The following MED23 variants were observed in gnomAD, a reference collection of about 807,000 sequenced individuals.
MED23 encodes mediator of RNA polymerase II transcription subunit 23.
A neutral mutation model predicts 163.9 loss-of-function variants in MED23; 105 were observed. The ratio of observed to expected loss-of-function variants is 0.64; its 90% CI spans 0.55 to 0.75. MED23 has a LOEUF of 0.75. Ranked by LOEUF, MED23 falls within the 30% of genes least tolerant of loss-of-function variation. The probability of loss-of-function intolerance (pLI) is 0.00; values close to 1 mark genes in which losing one functional copy is unlikely to be tolerated. For synonymous variants in MED23, 561 were observed against 565.6 expected (o/e 0.99, Z 0.12); for missense variants, 1,054 against 1,649.0 (o/e 0.64, Z 6.25).
At chr6:131,604,394 G>A in intron 14 of MED23, 74 bp from the exon 15 acceptor site, 1 of 1,444,164 alleles carries the variant, frequency 6.9e-7, no homozygotes, top group Non-Finnish European at 9.6e-7. Flanking sequence ...CTACTTAGAA[G>A]TAACTTAGTA....
chr6:131,582,938 G>A (rs1397138222), downstream of MED23: 2 of 803,998 alleles, frequency 2.5e-6, no homozygotes, highest in African/African-American at 3.5e-5. Flanking sequence ...AAACTATATT[G>A]AGTTAGGTTC....
chr6:131,582,406 CA>C (rs894758897), downstream of MED23, among the ~76,000 whole-genome samples: 1 of 152,142 alleles, frequency 6.6e-6, no homozygotes, highest in Non-Finnish European at 1.5e-5. Context: ...GACTGGGGCA[CA>C]AAGTAGGTAA....
rs777277114 is a variant in MED23 at position 131,623,308 on chromosome 6, T to C, written c.396+43A>G. 6 of 1,478,388 alleles carry C rather than the reference T, an allele frequency of 4.1e-6. No homozygotes were observed. In the South Asian group the frequency reaches 6.8e-5, roughly 17 times the overall value. 91.6% of individuals were successfully genotyped at this position (1,478,388 alleles called of 1,614,324 possible). ...TAAGACATGCACACCGAAAAATCAA[T>C]CATATCTGAAAGCAATCACTTTTTA... On this transcript the variant is annotated intron_variant, in intron 5 of 28. Transcript: ENST00000368068.
At chr6:131,594,765 T>C (rs1456910266) in intron 22 of MED23, among the ~76,000 whole-genome samples, 1 of 151,928 alleles carries the variant, frequency 6.6e-6, no homozygotes, top group Non-Finnish European at 1.5e-5. Flanking sequence ...CCCTAATACA[T>C]GATAAAGTTG....
chr6:131,596,788 AT>A (rs1775080001), intron 20 of MED23, 100 bp from the exon 21 acceptor site: 1 of 1,155,570 alleles, frequency 8.7e-7, no homozygotes, highest in African/African-American at 1.5e-5. Flanking sequence ...AAATCTCACT[AT>A]TATAATTTCC....
At chr6:131,578,147 G>A (rs976115722) in intron 30 of MED23, among the ~76,000 whole-genome samples, 1 of 148,736 alleles carries the variant, frequency 6.7e-6, no homozygotes, top group Non-Finnish European at 1.5e-5. Context: ...GTTAAAATTA[G>A]TGAGTTTTAG....
At chr6:131,575,119 CAAAT>C (rs1773551977) in intron 30 of MED23, among the ~76,000 whole-genome samples, 1 of 151,958 alleles carries the variant, frequency 6.6e-6, no homozygotes, top group African/African-American at 2.4e-5. Flanking sequence ...TTGAATAAAA[CAAAT>C]AAAAAAGAAT....
chr6:131,614,042 A>G (rs1226237633), intron 10 of MED23, among the ~76,000 whole-genome samples: 1 of 152,212 alleles, frequency 6.6e-6, no homozygotes, highest in East Asian at 1.9e-4. Context: ...AGCATGAAGC[A>G]TTCTTTCAAA....
rs1053673061 is a variant in MED23 at position 131,581,502 on chromosome 6, C to T, written c.4095+6207G>A. ...GTGTAATCTCAAATCATTTTCTCTG[C>T]AGCCAATAAGCAAAGGGTTGGTTGA... On this transcript the variant is annotated intron_variant, in intron 30 of 30. Coordinates refer to the MED23 transcript ENST00000354577. 1.8e-5 allele frequency: 21 copies of T among 1,184,834 alleles called. No individual in the cohort carries two copies. In the African/African-American group the frequency reaches 2.9e-4, roughly 16 times the overall value. 73.4% of individuals were successfully genotyped at this position (1,184,834 alleles called of 1,614,324 possible). A position where few individuals can be genotyped will look rare whatever the true frequency, so the allele number is the denominator to read the frequency against.
chr6:131,627,134 CAATT>C (rs1184436478), intron 3 of MED23: 7 of 406,548 alleles, frequency 1.7e-5, no homozygotes, highest in Non-Finnish European at 3.0e-5. Context: ...AAAATGATCT[CAATT>C]AATCTAACAT....
intron 23 of MED23, among the ~76,000 whole-genome samples, chr6:131,593,422 G>T (rs1199527804): frequency 6.6e-6 from 1 of 152,034 alleles, no homozygotes; most frequent in East Asian, 1.9e-4. Flanking sequence ...TGCAACCAAG[G>T]TTTACCTAGG....
At chr6:131,618,588 T>C (rs1776861269) in intron 8 of MED23, 69 bp from the exon 9 acceptor site, 17 of 1,018,776 alleles carry the variant, frequency 1.7e-5, no homozygotes, top group Non-Finnish European at 2.6e-5. Context: ...TTCACAAATA[T>C]TTAATGAACA....
At chr6:131,592,589 T>C in intron 24 of MED23, 129 bp from the exon 25 acceptor site, 2 of 806,256 alleles carry the variant, frequency 2.5e-6, no homozygotes, top group Non-Finnish European at 4.1e-6. Flanking sequence ...AATAAAACAA[T>C]GGGGAATTTT....
chr6:131,602,100 A>AGT, intron 17 of MED23, 118 bp downstream of exon 17: 1 of 1,162,326 alleles, frequency 8.6e-7, no homozygotes, highest in South Asian at 1.3e-5. Flanking sequence ...TCAAAACAAC[A>AGT]GGCTTTTTTC....
At chr6:131,612,953 G>A (rs970255856) in intron 10 of MED23, among the ~76,000 whole-genome samples, 7 of 152,032 alleles carry the variant, frequency 4.6e-5, no homozygotes, top group African/African-American at 1.7e-4. Flanking sequence ...GTACTTAGGT[G>A]AGCTTAATTT....
At chr6:131,581,401 A>C in intron 30 of MED23, 2 of 1,603,784 alleles carry the variant, frequency 1.2e-6, no homozygotes, top group Non-Finnish European at 8.5e-7. Flanking sequence ...TTGGTACTCT[A>C]GTGCAATAGA....
chr6:131,582,723 T>C (rs1332830570), downstream of MED23: 1 of 1,612,234 alleles, frequency 6.2e-7, no homozygotes, highest in Non-Finnish European at 8.5e-7. Context: ...ACAGTAAGCT[T>C]ATTCCTTGAT....
downstream of MED23, chr6:131,583,811 G>T: frequency 6.2e-7 from 1 of 1,614,078 alleles, no homozygotes; most frequent in Non-Finnish European, 8.5e-7. Context: ...GAAGTAACTC[G>T]AACAGTGAAC....
intron 9 of MED23, among the ~76,000 whole-genome samples, chr6:131,617,451 C>A (rs566013296): frequency 4.0e-5 from 6 of 149,596 alleles, no homozygotes; most frequent in African/African-American, 1.5e-4. Context: ...GAAACAGTTA[C>A]GGCATTAAAT....
Sources: gnomAD v4.1 joint callset for allele counts (sites outside exome capture counted in the v4.1 genomes callset) on GRCh38, gnomAD v4.1.1 for gene constraint, MANE v1.5 for transcripts, NCBI Gene and HGNC (gene_info 2026-07-23, HGNC 2026-07-21) for gene names.